TPTE2: variants seen among roughly 807,000 people sequenced by gnomAD.
TPTE2 encodes phosphatidylinositol 3,4,5-trisphosphate 3-phosphatase TPTE2.
In TPTE2, 53 loss-of-function variants were observed where a neutral mutation model predicts 78.6. The ratio of observed to expected loss-of-function variants is 0.67; its 90% CI spans 0.54 to 0.85. TPTE2 has a LOEUF of 0.85. Ranked by LOEUF, TPTE2 falls within the 40% of genes least tolerant of loss-of-function variation. The pLI is 0.00. For missense variants in TPTE2, 461 were observed against 623.0 expected (o/e 0.74, Z 2.77); for synonymous variants, 175 against 206.2 (o/e 0.85, Z 1.30).
chr13:19,446,261 C>T (rs1356228062), intron 13 of TPTE2, among the ~76,000 whole-genome samples: 2 of 151,992 alleles, frequency 1.3e-5, no homozygotes, highest in Non-Finnish European at 2.9e-5. Flanking sequence ...TAATAAAGTT[C>T]CAAGAAGAGC....
chr13:19,423,296 C>A (rs1392077499), intron 19 of TPTE2, 132 bp from the exon 23 acceptor site: 9 of 584,940 alleles, frequency 1.5e-5, no homozygotes, highest in Non-Finnish European at 2.0e-5. Context: ...CCCTTTTTTG[C>A]ATTTCAGTTG....
At chr13:19,474,913 T>G in intron 5 of TPTE2, among the ~76,000 whole-genome samples, 1 of 152,210 alleles carries the variant, frequency 6.6e-6, no homozygotes, top group South Asian at 2.1e-4. Flanking sequence ...ATAAGGTACT[T>G]AATAAAACAC....
At chr13:19,560,316 T>C in the TPTE2 span, 4 of 1,385,692 alleles carry the variant, frequency 2.9e-6, no homozygotes, top group East Asian at 9.2e-5. Context: ...CGTACTCCCC[T>C]CGCTCCAGCC....
chr13:19,439,869 G>A (rs1023318923), intron 13 of TPTE2, among the ~76,000 whole-genome samples: 1 of 152,160 alleles, frequency 6.6e-6, no homozygotes, highest in Non-Finnish European at 1.5e-5. Flanking sequence ...AGAGCTTGAA[G>A]ACTGGTCTTT....
the TPTE2 span, among the ~76,000 whole-genome samples, chr13:19,550,614 A>G: frequency 6.6e-6 from 1 of 152,154 alleles, no homozygotes; most frequent in Non-Finnish European, 1.5e-5. Flanking sequence ...ATCTCATATA[A>G]TGAGTACTAT....
At chr13:19,465,468 C>G in exon 8 of TPTE2, 1 of 1,607,830 alleles carries the variant, frequency 6.2e-7, no homozygotes, top group Middle Eastern at 1.7e-4. Flanking sequence ...CACTTACCAG[C>G]CTTCTCATCA....
upstream of TPTE2, among the ~76,000 whole-genome samples, chr13:19,504,843 TCTTTCTCTCC>T (rs1868891444): frequency 1.3e-5 from 2 of 152,090 alleles, no homozygotes; most frequent in South Asian, 2.1e-4. Flanking sequence ...CTCTCTTTTC[TCTTTCTCTCC>T]CTTTCTCTCT....
chr13:19,454,568 T>A (rs1410732727), intron 10 of TPTE2, among the ~76,000 whole-genome samples: 1 of 152,124 alleles, frequency 6.6e-6, no homozygotes, highest in East Asian at 1.9e-4. Context: ...GCTTTTTGAG[T>A]GGTTTATGAT....
the TPTE2 span, chr13:19,560,456 A>T: frequency 6.2e-7 from 1 of 1,607,402 alleles, no homozygotes; most frequent in Admixed American, 1.7e-5. Context: ...AGTGGCAGTG[A>T]GCGCTGGGCC....
chr13:19,436,446 T>A, intron 14 of TPTE2, 140 bp from the exon 18 acceptor site: 1 of 757,370 alleles, frequency 1.3e-6, no homozygotes, highest in Non-Finnish European at 2.1e-6. Context: ...AGAGTCTTGC[T>A]CTGCAACCCA....
chr13:19,512,310 A>C, intron 1 of TPTE2, among the ~76,000 whole-genome samples: 1 of 152,230 alleles, frequency 6.6e-6, no homozygotes, highest in Non-Finnish European at 1.5e-5. Context: ...TTTTAGAGTG[A>C]ATAGACATTT....
exon 20 of TPTE2, chr13:19,422,977 C>A (rs972092586): frequency 5.2e-6 from 8 of 1,536,622 alleles, no homozygotes; most frequent in South Asian, 2.5e-5. Context: ...GAACATGTGG[C>A]AGGGGTTGGA....
At chr13:19,443,782 T>TCGTTAAGCAATTGGAGAGA (rs1877652032) in intron 13 of TPTE2, among the ~76,000 whole-genome samples, 19 of 106,466 alleles carry the variant, frequency 1.8e-4, no homozygotes, top group African/African-American at 7.7e-4. Context: ...ACACACACAG[T>TCGTTAAGCAATTGGAGAGA]CGTTAAGCAA....
At chr13:19,502,589 A>T (rs1868673564) in intron 1 of TPTE2, among the ~76,000 whole-genome samples, 1 of 144,216 alleles carries the variant, frequency 6.9e-6, no homozygotes, top group African/African-American at 2.5e-5. Context: ...ATAGGTGGGA[A>T]TTGAACAATG....
At chr13:19,437,267 G>C (rs1877165783) in intron 14 of TPTE2, among the ~76,000 whole-genome samples, 1 of 152,136 alleles carries the variant, frequency 6.6e-6, no homozygotes, top group Non-Finnish European at 1.5e-5. Flanking sequence ...GGTGGAATTG[G>C]AGTCTGGGCA....
chr13:19,521,317 C>A (rs1870134742), intron 1 of TPTE2, among the ~76,000 whole-genome samples: 1 of 146,118 alleles, frequency 6.8e-6, no homozygotes. Flanking sequence ...TATAAAATGT[C>A]CTTTGTTTTT....
intron 1 of TPTE2, among the ~76,000 whole-genome samples, chr13:19,501,744 A>G (rs1868573706): frequency 6.6e-6 from 1 of 151,912 alleles, no homozygotes; most frequent in Non-Finnish European, 1.5e-5. Context: ...AGGCATGGGC[A>G]AGGACTTCAT....
chr13:19,548,231 T>C, the TPTE2 span, among the ~76,000 whole-genome samples: 2 of 152,218 alleles, frequency 1.3e-5, no homozygotes, highest in African/African-American at 4.8e-5. Context: ...TCACTTTGAA[T>C]TGTTGTTTCC....
chr13:19,448,471 C>CAAT (rs1877975889), intron 13 of TPTE2, among the ~76,000 whole-genome samples: 1 of 152,086 alleles, frequency 6.6e-6, no homozygotes, highest in Non-Finnish European at 1.5e-5. Flanking sequence ...TCAGACAACA[C>CAAT]AATAGCAAGA....
Sources: allele counts gnomAD v4.1 joint callset (sites outside exome capture counted in the v4.1 genomes callset), GRCh38; gene constraint gnomAD v4.1.1; transcripts MANE v1.5; gene names NCBI Gene and HGNC (gene_info 2026-07-23, HGNC 2026-07-21).